SYN3: variants seen among roughly 807,000 people sequenced by gnomAD.
The protein encoded by SYN3 is synapsin III.
Under a neutral mutation model 65.8 loss-of-function variants are expected in SYN3, and 35 were observed. The ratio of observed to expected loss-of-function variants is 0.53; its 90% CI spans 0.41 to 0.70. The LOEUF is 0.70. Ranked by LOEUF, SYN3 falls within the 30% of genes least tolerant of loss-of-function variation. The pLI is 0.00. For missense variants in SYN3, 680 were observed against 749.0 expected, an observed-to-expected ratio of 0.91 and a Z score of 1.08; for synonymous variants, 270 against 292.9, an observed-to-expected ratio of 0.92 and a Z score of 0.80.
chr22:32,774,892 C>G, intron 6 of SYN3, among the ~76,000 whole-genome samples: 1 of 152,214 alleles, frequency 6.6e-6, no homozygotes, highest in Non-Finnish European at 1.5e-5. Context: ...AGAAACTGAA[C>G]AGGGGTCTTG....
At chr22:32,944,874 A>G (rs1247592353) in intron 3 of SYN3, among the ~76,000 whole-genome samples, 1 of 152,236 alleles carries the variant, frequency 6.6e-6, no homozygotes, top group Non-Finnish European at 1.5e-5. Context: ...TGCAAAAATC[A>G]CAAGCATTCT....
chr22:32,763,266 C>A (rs952981775), intron 6 of SYN3, among the ~76,000 whole-genome samples: 3 of 152,126 alleles, frequency 2.0e-5, no homozygotes, highest in African/African-American at 7.2e-5. Flanking sequence ...CCTGCCTCAG[C>A]TTCTCGAGTA....
intron 6 of SYN3, among the ~76,000 whole-genome samples, chr22:32,732,494 G>A (rs2061283288): frequency 6.6e-6 from 1 of 152,210 alleles, no homozygotes; most frequent in African/African-American, 2.4e-5. Context: ...AGATGGTGCA[G>A]GCAGCAGAGT....
At chr22:32,772,905 T>C (rs2045811172) in intron 6 of SYN3, among the ~76,000 whole-genome samples, 1 of 152,208 alleles carries the variant, frequency 6.6e-6, no homozygotes, top group South Asian at 2.1e-4. Flanking sequence ...ACAAAAAATC[T>C]AGCTGGTTTG....
intron 6 of SYN3, among the ~76,000 whole-genome samples, chr22:32,609,698 C>T (rs988978151): frequency 6.6e-6 from 1 of 151,994 alleles, no homozygotes; most frequent in Non-Finnish European, 1.5e-5. Context: ...CGCTTTGTTG[C>T]CCAGGCTGGA....
intron 2 of SYN3, 88 bp downstream of exon 2, chr22:33,006,264 C>A: frequency 7.0e-7 from 1 of 1,435,946 alleles, no homozygotes; most frequent in Non-Finnish European, 9.4e-7. Context: ...CCTCTCATAG[C>A]TCTCCCCTTC....
At chr22:32,978,798 T>C (rs542176276) in intron 3 of SYN3, among the ~76,000 whole-genome samples, 4 of 152,232 alleles carry the variant, frequency 2.6e-5, no homozygotes, top group South Asian at 2.1e-4. Context: ...ACTGTGTGGA[T>C]TGAATGAGTG....
chr22:32,867,889 T>C (rs1439827316), intron 5 of SYN3, among the ~76,000 whole-genome samples: 1 of 152,230 alleles, frequency 6.6e-6, no homozygotes, highest in Non-Finnish European at 1.5e-5. Flanking sequence ...CGAGGAGTGG[T>C]ATTTTAAGAA....
intron 6 of SYN3, among the ~76,000 whole-genome samples, chr22:32,635,744 C>T (rs752111837): frequency 5.1e-4 from 77 of 152,184 alleles, no homozygotes; most frequent in Admixed American, 1.0e-3. Context: ...TTCTCCAAAT[C>T]AGATGGAGGA....
At chr22:32,573,856 G>A (rs1471351405) in intron 7 of SYN3, among the ~76,000 whole-genome samples, 4 of 139,944 alleles carry the variant, frequency 2.9e-5, no homozygotes, top group African/African-American at 8.1e-5. Context: ...TGCATCCTCC[G>A]CCTCCCAGGT....
In SYN3 at chr22:32,965,757, C is replaced by T. The variant is rs958704788; in HGVS notation, c.369+14888G>A. Among the ~76,000 whole-genome samples, 15 of 152,120 alleles carry T rather than the reference C, an allele frequency of 9.9e-5. 1 individual carries two copies. The highest frequency in any genetic ancestry group is 1.9e-4 in the Non-Finnish European group (13 of 68,040). On this transcript the variant is annotated intron_variant, in intron 3 of 13. Transcript: ENST00000358763. ...TTCGCCCAGGCTGAAGTGAGTGGCACGATCTCGGCTCACTGCAAGCTCCGC... is the reference window on the plus strand; with the variant it reads ...TTCGCCCAGGCTGAAGTGAGTGGCATGATCTCGGCTCACTGCAAGCTCCGC...
intron 4 of SYN3, among the ~76,000 whole-genome samples, chr22:32,930,407 T>C (rs1799563049): frequency 6.6e-6 from 1 of 152,216 alleles, no homozygotes; most frequent in Non-Finnish European, 1.5e-5. Context: ...CTCAGCCACG[T>C]GGAACTGTGA....
chr22:32,657,126 TC>T (rs763672611), intron 6 of SYN3, among the ~76,000 whole-genome samples: 136 of 151,354 alleles, frequency 9.0e-4, no homozygotes, highest in African/African-American at 2.9e-3. Flanking sequence ...ACTTCTCTTT[TC>T]TTTTTTTTCT....
At position 32,620,113 on chromosome 22, in the gene SYN3, T is replaced by C. The variant is rs149210019; in HGVS notation, c.712-23377A>G. ...TCTTATTATTTTAAGCCATTGAGTTTTTGGGTGGTTTGTTACACACCAATA... is the reference window on the plus strand; with the variant it reads ...TCTTATTATTTTAAGCCATTGAGTTCTTGGGTGGTTTGTTACACACCAATA... On this transcript the variant is annotated intron_variant, in intron 6 of 13. Coordinates refer to ENST00000358763, the MANE Select transcript of SYN3 (RefSeq NM_003490.4). Among the ~76,000 whole-genome samples the C allele has an allele frequency of 1.4e-3, 210 of 152,344 alleles. 4 individuals are homozygous for C. In the East Asian group the frequency reaches 0.015, roughly 11 times the overall value.
At chr22:32,565,751 C>A (rs1228082883) in intron 7 of SYN3, among the ~76,000 whole-genome samples, 1 of 151,206 alleles carries the variant, frequency 6.6e-6, no homozygotes, top group South Asian at 2.1e-4. Flanking sequence ...TCGCTCTGTC[C>A]CCCAGGCTGG....
chr22:32,978,454 G>A (rs1379824212), intron 3 of SYN3, among the ~76,000 whole-genome samples: 3 of 152,200 alleles, frequency 2.0e-5, no homozygotes, highest in South Asian at 2.1e-4. Context: ...GAACCACACC[G>A]CATTCCCTGT....
At position 32,518,121 on chromosome 22, in the gene SYN3, C is replaced by G; in HGVS notation, c.1532G>C (p.Arg511Pro). 1 of 1,599,626 alleles carries G rather than the reference C, an allele frequency of 6.3e-7. No homozygotes were observed. Residue 511 changes from arginine to proline, a missense_variant, in exon 13 of 14, where the codon CGG (arginine) becomes CCG (proline). Transcript: ENST00000358763. The stretch of plus-strand genomic sequence containing the variant: ...GGTACTACGGCCCTGCACAGGGGGC[C>G]GGGGCTGTGAGGCGAGGGTGGCACC... ...KPGATLASQP[R>P]PPVQGRSTSQ...
intron 6 of SYN3, among the ~76,000 whole-genome samples, chr22:32,736,961 A>G (rs1602019979): frequency 6.6e-6 from 1 of 152,246 alleles, no homozygotes; most frequent in African/African-American, 2.4e-5. Flanking sequence ...ACCAGTAAGC[A>G]AGCAGACAGA....
chr22:32,807,386 T>TG (rs1555968148), intron 6 of SYN3, among the ~76,000 whole-genome samples: 2 of 104,300 alleles, frequency 1.9e-5, no homozygotes, highest in Admixed American at 1.2e-4. Flanking sequence ...ATAATATATA[T>TG]TATATATAAT....
Sources: gnomAD v4.1 joint callset for allele counts (sites outside exome capture counted in the v4.1 genomes callset) on GRCh38, gnomAD v4.1.1 for gene constraint, MANE v1.5 for transcripts, NCBI Gene and HGNC (gene_info 2026-07-23, HGNC 2026-07-21) for gene names.